SLC24A2: variants seen among roughly 807,000 people sequenced by gnomAD.
The protein encoded by SLC24A2 is solute carrier family 24 member 2.
SLC24A2 carries 36 observed loss-of-function variants against 62.0 expected under a neutral mutation model. That is an observed-to-expected ratio of 0.58 (90% confidence interval 0.44 to 0.77). The LOEUF is 0.77. SLC24A2 is among the 30% of genes least tolerant of loss of function. The pLI, the probability that SLC24A2 is intolerant of heterozygous loss-of-function variation, is 0.00. For missense variants in SLC24A2, 846 were observed against 817.9 expected (o/e 1.03, Z -0.42); for synonymous variants, 358 against 294.0 (o/e 1.22, Z -2.23).
chr9:19,675,166 G>A (rs1314883443), intron 2 of SLC24A2, among the ~76,000 whole-genome samples: 1 of 152,148 alleles, frequency 6.6e-6, no homozygotes, highest in African/African-American at 2.4e-5. Flanking sequence ...TGGGCTCTGG[G>A]CTGGTACTGG....
chr9:19,532,733 C>G (rs1427426803), intron 8 of SLC24A2, among the ~76,000 whole-genome samples: 1 of 152,100 alleles, frequency 6.6e-6, no homozygotes, highest in Non-Finnish European at 1.5e-5. Context: ...ATTACTTTAT[C>G]CTTGTTAGAC....
At chr9:20,216,297 T>A in the SLC24A2 span, among the ~76,000 whole-genome samples, 5 of 152,176 alleles carry the variant, frequency 3.3e-5, no homozygotes, top group Non-Finnish European at 5.9e-5. Context: ...AGATTAAACT[T>A]AATTTTGGTT....
the SLC24A2 span, among the ~76,000 whole-genome samples, chr9:20,146,649 T>A: frequency 6.6e-6 from 1 of 152,056 alleles, no homozygotes; most frequent in Admixed American, 6.6e-5. Flanking sequence ...AATTGGTTTT[T>A]AAACCTACAG....
chr9:20,103,345 T>C, the SLC24A2 span, among the ~76,000 whole-genome samples: 21 of 152,122 alleles, frequency 1.4e-4, no homozygotes, highest in African/African-American at 4.6e-4. Context: ...GAAGAGAGCA[T>C]GGTTCTCCCA....
chr9:19,695,325 C>A (rs1003476114), intron 2 of SLC24A2, among the ~76,000 whole-genome samples: 8 of 152,118 alleles, frequency 5.3e-5, no homozygotes, highest in Non-Finnish European at 1.2e-4. Flanking sequence ...ATTACTCACA[C>A]AGGACTTCCA....
intron 7 of SLC24A2, among the ~76,000 whole-genome samples, chr9:19,572,010 C>G (rs1011739575): frequency 2.0e-5 from 3 of 152,074 alleles, no homozygotes; most frequent in Non-Finnish European, 4.4e-5. Flanking sequence ...TGGCTCACGC[C>G]TATAATCCCA....
the SLC24A2 span, among the ~76,000 whole-genome samples, chr9:20,019,222 AG>A: frequency 1.3e-4 from 12 of 89,208 alleles, no homozygotes; most frequent in African/African-American, 2.5e-4. Flanking sequence ...AAAGAAAGAC[AG>A]AAAGAAAGAA....
chr9:19,622,476 A>G (rs1817931823), intron 2 of SLC24A2, among the ~76,000 whole-genome samples, 177 bp from the exon 3 acceptor site: 1 of 152,220 alleles, frequency 6.6e-6, no homozygotes, highest in South Asian at 2.1e-4. Flanking sequence ...GCCAAAATAT[A>G]ATGGTTTATT....
At chr9:20,122,223 C>T in the SLC24A2 span, among the ~76,000 whole-genome samples, 1 of 152,228 alleles carries the variant, frequency 6.6e-6, no homozygotes, top group African/African-American at 2.4e-5. Flanking sequence ...AGGCCCTGTG[C>T]AAATGCACTG....
the SLC24A2 span, among the ~76,000 whole-genome samples, chr9:20,152,447 T>C: frequency 6.6e-6 from 1 of 151,808 alleles, no homozygotes; most frequent in Non-Finnish European, 1.5e-5. Context: ...AAACAGACTG[T>C]GTAGTAAATG....
chr9:19,591,507 A>C (rs1034429135), intron 5 of SLC24A2, among the ~76,000 whole-genome samples: 2 of 152,258 alleles, frequency 1.3e-5, no homozygotes, highest in African/African-American at 4.8e-5. Context: ...CTAGGTAGTC[A>C]TGTGACTGAG....
the SLC24A2 span, among the ~76,000 whole-genome samples, chr9:20,162,034 G>C: frequency 6.6e-6 from 1 of 151,630 alleles, no homozygotes; most frequent in Non-Finnish European, 1.5e-5. Context: ...AAACTCTGGA[G>C]AATCAATGAT....
the SLC24A2 span, among the ~76,000 whole-genome samples, chr9:19,925,724 AG>A: frequency 1.3e-5 from 2 of 152,226 alleles, no homozygotes; most frequent in South Asian, 4.1e-4. Flanking sequence ...AGTCTAGACA[AG>A]GGATCTGATG....
the SLC24A2 span, among the ~76,000 whole-genome samples, chr9:19,983,810 G>A: frequency 6.6e-6 from 1 of 152,060 alleles, no homozygotes; most frequent in Non-Finnish European, 1.5e-5. Context: ...TAAATCTAAG[G>A]AGGTGAAAGA....
chr9:20,290,815 C>T, the SLC24A2 span, among the ~76,000 whole-genome samples: 1 of 152,218 alleles, frequency 6.6e-6, no homozygotes, highest in Admixed American at 6.5e-5. Flanking sequence ...TGGGGTTCTT[C>T]TGGGCAAGGG....
At chr9:19,630,983 C>T (rs1818163159) in intron 2 of SLC24A2, among the ~76,000 whole-genome samples, 1 of 152,174 alleles carries the variant, frequency 6.6e-6, no homozygotes, top group African/African-American at 2.4e-5. Flanking sequence ...CAAGCACTGC[C>T]TGGCTACTTC....
chr9:20,106,614 T>G, the SLC24A2 span, among the ~76,000 whole-genome samples: 1 of 152,116 alleles, frequency 6.6e-6, no homozygotes, highest in Non-Finnish European at 1.5e-5. Flanking sequence ...ATTATCTCAA[T>G]AGATGCAGAA....
At chr9:19,700,137 T>C (rs7848178) in intron 2 of SLC24A2, among the ~76,000 whole-genome samples, 55,863 of 152,116 alleles carry the variant, frequency 0.37, 11,830 homozygotes, top group African/African-American at 0.59. Flanking sequence ...ACCTGAGACA[T>C]AGATAAGACA....
At chr9:19,752,706 G>C (rs201983008) in intron 2 of SLC24A2, among the ~76,000 whole-genome samples, 2 of 37,434 alleles carry the variant, frequency 5.3e-5, no homozygotes, top group African/African-American at 8.6e-5. Flanking sequence ...GAGAGAAAGA[G>C]AGAGAGAGAG....
Sources: gnomAD v4.1 joint callset for allele counts (sites outside exome capture counted in the v4.1 genomes callset) on GRCh38, gnomAD v4.1.1 for gene constraint, MANE v1.5 for transcripts, NCBI Gene and HGNC (gene_info 2026-07-23, HGNC 2026-07-21) for gene names.